Variants in TNIK observed in about 807,000 individuals in gnomAD.
The protein encoded by TNIK is TRAF2 and NCK-interacting protein kinase.
TNIK carries 49 observed loss-of-function variants against 191.3 expected under a neutral mutation model. The ratio of observed to expected loss-of-function variants is 0.26; its 90% CI spans 0.20 to 0.32. The LOEUF is 0.32. Among genes scored for constraint, TNIK ranks in the 10% least tolerant of loss-of-function variants. TNIK has a pLI of 1.00. For missense variants in TNIK, 1,155 were observed against 1,702.3 expected, an observed-to-expected ratio of 0.68 and a Z score of 5.66; for synonymous variants, 594 against 600.9, an observed-to-expected ratio of 0.99 and a Z score of 0.17.
intron 2 of TNIK, among the ~76,000 whole-genome samples, chr3:171,330,002 C>G (rs771232015): frequency 1.5e-4 from 23 of 152,206 alleles, no homozygotes; most frequent in Non-Finnish European, 3.1e-4. Context: ...GAGGGAGGAC[C>G]TGAAGGAAAG....
intron 12 of TNIK, among the ~76,000 whole-genome samples, chr3:171,140,886 T>C (rs1730729238): frequency 2.0e-5 from 3 of 152,198 alleles, no homozygotes; most frequent in Admixed American, 1.3e-4. Context: ...CTTAAGTCAT[T>C]CAATCTGTTT....
intron 15 of TNIK, among the ~76,000 whole-genome samples, chr3:171,135,512 T>C (rs1306654200): frequency 1.3e-5 from 2 of 152,220 alleles, no homozygotes; most frequent in African/African-American, 2.4e-5. Context: ...GATCACCCAC[T>C]CTAAGACTTG....
intron 19 of TNIK, among the ~76,000 whole-genome samples, chr3:171,109,717 T>C (rs1258857543): frequency 1.3e-5 from 2 of 152,220 alleles, no homozygotes; most frequent in East Asian, 3.8e-4. Flanking sequence ...AATTATCTTC[T>C]GAAGAAGTTG....
chr3:171,255,911 T>C (rs181153726), intron 2 of TNIK, among the ~76,000 whole-genome samples: 213 of 152,258 alleles, frequency 1.4e-3, no homozygotes, highest in African/African-American at 4.7e-3. Flanking sequence ...TTTATATTGA[T>C]TGTGGGTATG....
At chr3:171,454,687 T>A (rs1270086416) in intron 1 of TNIK, among the ~76,000 whole-genome samples, 2 of 152,186 alleles carry the variant, frequency 1.3e-5, no homozygotes, top group Non-Finnish European at 2.9e-5. Context: ...AATGAAAAAA[T>A]TGCCATGCTG....
intron 1 of TNIK, among the ~76,000 whole-genome samples, chr3:171,445,239 G>C (rs907083982): frequency 6.6e-6 from 1 of 151,894 alleles, no homozygotes; most frequent in Non-Finnish European, 1.5e-5. Context: ...AGATCACGTA[G>C]GAAAGCCCTT....
chr3:171,217,722 A>G (rs945579356), intron 3 of TNIK, among the ~76,000 whole-genome samples: 5 of 152,168 alleles, frequency 3.3e-5, no homozygotes, highest in African/African-American at 1.2e-4. Context: ...GAATCAAAGA[A>G]TGAGATATAT....
intron 2 of TNIK, among the ~76,000 whole-genome samples, chr3:171,245,814 T>C (rs77573104): frequency 0.016 from 2,370 of 152,344 alleles, 56 homozygotes; most frequent in African/African-American, 0.054. Context: ...ATGGAACTTA[T>C]AATCATGACT....
chr3:171,179,554 C>A (rs1024521422), intron 7 of TNIK, among the ~76,000 whole-genome samples: 1 of 152,128 alleles, frequency 6.6e-6, no homozygotes, highest in Non-Finnish European at 1.5e-5. Flanking sequence ...TGGGTTCACG[C>A]CATTCTCCTG....
chr3:171,430,582 T>A (rs1046863450), intron 1 of TNIK, among the ~76,000 whole-genome samples: 22 of 144,532 alleles, frequency 1.5e-4, no homozygotes, highest in South Asian at 4.3e-4. Flanking sequence ...GAGGTTGCAG[T>A]GAACTAAGAT....
At chr3:171,072,337 T>C (rs1247171695) in intron 28 of TNIK, among the ~76,000 whole-genome samples, 1 of 152,172 alleles carries the variant, frequency 6.6e-6, no homozygotes, top group Non-Finnish European at 1.5e-5. Context: ...TTTATAACTT[T>C]TCATGACATA....
At chr3:171,355,978 G>A (rs550587463) in intron 2 of TNIK, among the ~76,000 whole-genome samples, 1 of 152,160 alleles carries the variant, frequency 6.6e-6, no homozygotes, top group Admixed American at 6.5e-5. Context: ...GCCACACCAG[G>A]TAACAGGTAA....
chr3:171,186,359 C>T (rs1737366434), intron 7 of TNIK, among the ~76,000 whole-genome samples: 1 of 152,122 alleles, frequency 6.6e-6, no homozygotes, highest in South Asian at 2.1e-4. Flanking sequence ...CCACTATACC[C>T]CAACAGGGTA....
intron 4 of TNIK, among the ~76,000 whole-genome samples, chr3:171,195,398 A>G (rs749412126): frequency 6.6e-6 from 1 of 152,208 alleles, no homozygotes; most frequent in Non-Finnish European, 1.5e-5. Flanking sequence ...AATATCTTCA[A>G]CAAAGATCAC....
chr3:171,356,643 T>C (rs146751843), intron 2 of TNIK, among the ~76,000 whole-genome samples: 1,668 of 152,292 alleles, frequency 0.011, 21 homozygotes, highest in Non-Finnish European at 0.019. Context: ...AAGGAGATGT[T>C]ATACACAAAT....
At chr3:171,399,409 C>T (rs1025792619) in intron 1 of TNIK, among the ~76,000 whole-genome samples, 2 of 152,122 alleles carry the variant, frequency 1.3e-5, no homozygotes, top group Non-Finnish European at 2.9e-5. Context: ...TGGTCCCACC[C>T]AGAAATCCAA....
chr3:171,067,041 G>T (rs923236453), intron 30 of TNIK, among the ~76,000 whole-genome samples: 9 of 152,162 alleles, frequency 5.9e-5, no homozygotes, highest in Admixed American at 5.9e-4. Flanking sequence ...CCCCAAGGTA[G>T]ATAGCTTTGT....
intron 2 of TNIK, among the ~76,000 whole-genome samples, chr3:171,336,432 T>A (rs1415625042): frequency 6.6e-6 from 1 of 152,180 alleles, no homozygotes. Context: ...TCTCTCAGGG[T>A]CTACTATATG....
intron 1 of TNIK, among the ~76,000 whole-genome samples, chr3:171,385,359 G>T (rs1036689629): frequency 1.3e-5 from 2 of 152,090 alleles, no homozygotes; most frequent in South Asian, 4.2e-4. Flanking sequence ...CGACTGTCAG[G>T]GCAGAGGCCT....
Sources: gnomAD v4.1 joint callset for allele counts (sites outside exome capture counted in the v4.1 genomes callset) on GRCh38, gnomAD v4.1.1 for gene constraint, MANE v1.5 for transcripts, NCBI Gene and HGNC (gene_info 2026-07-23, HGNC 2026-07-21) for gene names.